Variants in MANBA observed in about 807,000 individuals in gnomAD.
The protein encoded by MANBA is mannosidase beta, also known as beta-mannosidase.
Under a neutral mutation model 111.1 loss-of-function variants are expected in MANBA, and 83 were observed. That is an observed-to-expected ratio of 0.75 (90% CI 0.63 to 0.90). MANBA has a LOEUF of 0.90. MANBA is among the 40% of genes least tolerant of loss of function. MANBA has a pLI of 0.00. For missense variants in MANBA, 1,036 were observed against 1,069.0 expected, an observed-to-expected ratio of 0.97 and a Z score of 0.43; for synonymous variants, 370 against 378.7, an observed-to-expected ratio of 0.98 and a Z score of 0.27.
intron 11 of MANBA, among the ~76,000 whole-genome samples, chr4:102,660,807 A>T (rs1489002840): frequency 1.3e-5 from 2 of 149,978 alleles, no homozygotes; most frequent in African/African-American, 4.9e-5. Context: ...TATAATTAAT[A>T]TATTGATGCC....
At chr4:102,728,346 C>T (rs1046038925) in intron 1 of MANBA, 1 of 532,962 alleles carries the variant, frequency 1.9e-6, no homozygotes, top group African/African-American at 1.9e-5. Context: ...ATTCTGTTCA[C>T]TCTCTGCAGG....
chr4:102,729,714 G>A (rs763722645), intron 1 of MANBA: 6 of 1,529,586 alleles, frequency 3.9e-6, no homozygotes, highest in Non-Finnish European at 5.4e-6. Context: ...CTGGCCCAGA[G>A]TCTTCAGCTG....
In MANBA at chr4:102,730,680, T is replaced by C. The variant is rs532494046; in HGVS notation, c.178-3997A>G. 2.4e-3 allele frequency: 1,310 copies of C among 537,720 alleles called. 19 individuals carry two copies. Among genetic ancestry groups the C allele is most frequent in the South Asian group, 0.014 (988 of 72,498 alleles). 33.3% of individuals were successfully genotyped at this position (537,720 alleles called of 1,614,324 possible). A position where few individuals can be genotyped will look rare whatever the true frequency, so the allele number is the denominator to read the frequency against. Reference sequence around the variant, plus strand: ...CAGTGCTCGTGTGCTTCTTCCGGGCTTGTAATACCTTCATGAACGCTCCTT... The same window carrying C: ...CAGTGCTCGTGTGCTTCTTCCGGGCCTGTAATACCTTCATGAACGCTCCTT... On this transcript the variant is annotated intron_variant, in intron 1 of 16. Coordinates refer to ENST00000647097, the MANE Select transcript of MANBA (RefSeq NM_005908.4).
chr4:102,725,066 G>A (rs1256845639), intron 2 of MANBA, among the ~76,000 whole-genome samples: 2 of 151,978 alleles, frequency 1.3e-5, no homozygotes, highest in Non-Finnish European at 2.9e-5. Flanking sequence ...GGTTCCTAGG[G>A]CTGGGGTAAG....
chr4:102,702,419 G>C (rs1294215148), intron 5 of MANBA, among the ~76,000 whole-genome samples: 3 of 152,172 alleles, frequency 2.0e-5, no homozygotes, highest in Non-Finnish European at 4.4e-5. Context: ...TTCCTTTGGA[G>C]GAGGAGAGGT....
chr4:102,712,566 C>G (rs1009307143), intron 5 of MANBA, among the ~76,000 whole-genome samples: 4 of 150,650 alleles, frequency 2.7e-5, no homozygotes, highest in Admixed American at 2.7e-4. Flanking sequence ...ATCACCCAGG[C>G]TGGAGTGCAG....
In MANBA at chr4:102,755,577, T is replaced by C. The variant is rs1723979052; in HGVS notation, c.177+5141A>G. On this transcript the variant is annotated intron_variant, in intron 1 of 16. Transcript: ENST00000647097. ...TAGGCATGGGCAAGGACTTCATGAC[T>C]AAAACACCAAAAGCAATGGCAACAA... Among the ~76,000 whole-genome samples, 4 of 152,310 alleles carry C rather than the reference T, an allele frequency of 2.6e-5. No homozygotes were observed. In the South Asian group the frequency reaches 8.3e-4, roughly 32 times the overall value.
intron 1 of MANBA, chr4:102,734,647 G>A: frequency 6.7e-7 from 1 of 1,488,698 alleles, no homozygotes; most frequent in Non-Finnish European, 9.3e-7. Flanking sequence ...GACAGGCAGG[G>A]AGAGGGCCTT....
chr4:102,716,400 T>C (rs978581878), intron 4 of MANBA, among the ~76,000 whole-genome samples: 3 of 151,810 alleles, frequency 2.0e-5, no homozygotes, highest in Non-Finnish European at 2.9e-5. Flanking sequence ...TGGCTAAACT[T>C]GCCAACCTCA....
chr4:102,680,108 C>A (rs538966818), intron 7 of MANBA, among the ~76,000 whole-genome samples: 2 of 152,128 alleles, frequency 1.3e-5, no homozygotes, highest in Non-Finnish European at 2.9e-5. Context: ...GGAAAACCAG[C>A]AACTCTTTGT....
chr4:102,710,473 G>C (rs1482147888), intron 5 of MANBA, among the ~76,000 whole-genome samples: 3 of 151,992 alleles, frequency 2.0e-5, no homozygotes. Flanking sequence ...ACCTCTACAA[G>C]GAAAACTATA....
intron 5 of MANBA, among the ~76,000 whole-genome samples, chr4:102,698,942 T>A (rs1732874781): frequency 6.6e-6 from 1 of 152,232 alleles, no homozygotes; most frequent in Admixed American, 6.5e-5. Flanking sequence ...ATAAATTACC[T>A]TGGGCAGTAT....
chr4:102,733,778 T>C (rs575671904), intron 1 of MANBA, among the ~76,000 whole-genome samples: 1 of 152,380 alleles, frequency 6.6e-6, no homozygotes, highest in African/African-American at 2.4e-5. Context: ...TATTCTTCCA[T>C]GGCCCCATGA....
intron 1 of MANBA, among the ~76,000 whole-genome samples, chr4:102,759,065 CT>C (rs1724133945): frequency 6.6e-6 from 1 of 151,882 alleles, no homozygotes; most frequent in Non-Finnish European, 1.5e-5. Context: ...AGCTTCTTAG[CT>C]CTGTAATATG....
At chr4:102,734,640 A>C (rs1723144047) in intron 1 of MANBA, 3 of 1,502,602 alleles carry the variant, frequency 2.0e-6, no homozygotes, top group Non-Finnish European at 2.8e-6. Flanking sequence ...GGAGCCAGAC[A>C]GGCAGGGAGA....
At chr4:102,702,155 C>A (rs1229559912) in intron 5 of MANBA, among the ~76,000 whole-genome samples, 1 of 151,846 alleles carries the variant, frequency 6.6e-6, no homozygotes, top group Non-Finnish European at 1.5e-5. Flanking sequence ...ATCGCATCGG[C>A]TCCTGAGGCT....
At chr4:102,725,137 G>A (rs569971080) in intron 2 of MANBA, among the ~76,000 whole-genome samples, 14 of 152,198 alleles carry the variant, frequency 9.2e-5, no homozygotes, top group African/African-American at 2.9e-4. Context: ...AACTTTTTGT[G>A]GGGGGATGAG....
intron 5 of MANBA, among the ~76,000 whole-genome samples, chr4:102,709,321 AAAG>A (rs1721922781): frequency 2.3e-5 from 3 of 131,370 alleles, no homozygotes; most frequent in African/African-American, 9.9e-5. Context: ...GAAGAAAAGA[AAAG>A]AAAAAGAAAG....
intron 5 of MANBA, among the ~76,000 whole-genome samples, chr4:102,711,254 C>G (rs901001043): frequency 6.6e-6 from 1 of 152,054 alleles, no homozygotes; most frequent in Non-Finnish European, 1.5e-5. Context: ...ACACAAGGAA[C>G]TCAACTGAAC....
Sources: allele counts gnomAD v4.1 joint callset (sites outside exome capture counted in the v4.1 genomes callset), GRCh38; gene constraint gnomAD v4.1.1; transcripts MANE v1.5; gene names NCBI Gene and HGNC (gene_info 2026-07-23, HGNC 2026-07-21).